GPC6: variants seen among roughly 807,000 people sequenced by gnomAD.
The protein encoded by GPC6 is glypican-6.
Under a neutral mutation model 55.2 loss-of-function variants are expected in GPC6, and 14 were observed. That is an observed-to-expected ratio of 0.25 (90% CI 0.17 to 0.40). The LOEUF (loss-of-function observed/expected upper bound fraction) is 0.40, where lower values mean the gene tolerates loss of function less well. GPC6 is among the 10% of genes least tolerant of loss of function. GPC6 has a pLI of 1.00. For missense variants in GPC6, 641 were observed against 708.5 expected, an observed-to-expected ratio of 0.90 and a Z score of 1.08; for synonymous variants, 278 against 259.6, an observed-to-expected ratio of 1.07 and a Z score of -0.68.
At chr13:93,286,646 A>T (rs1028992627) in intron 1 of GPC6, among the ~76,000 whole-genome samples, 2 of 152,220 alleles carry the variant, frequency 1.3e-5, no homozygotes, top group Non-Finnish European at 2.9e-5. Context: ...ATCTTATCAG[A>T]GTGGTCTGAC....
intron 1 of GPC6, among the ~76,000 whole-genome samples, chr13:93,460,510 C>T (rs7320356): frequency 0.22 from 32,842 of 152,004 alleles, 3,657 homozygotes; most frequent in Middle Eastern, 0.29. Flanking sequence ...ATGATGATGA[C>T]GATTATTTAA....
chr13:93,939,425 A>AATAATAATG (rs1555343163), intron 3 of GPC6, among the ~76,000 whole-genome samples: 2 of 149,680 alleles, frequency 1.3e-5, no homozygotes, highest in Non-Finnish European at 3.0e-5. Context: ...CTCAAATAAT[A>AATAATAATG]ATAATAATAA....
intron 4 of GPC6, among the ~76,000 whole-genome samples, chr13:94,126,849 GTGT>G (rs1886836589): frequency 6.6e-6 from 1 of 152,092 alleles, no homozygotes. Context: ...AAGGAAAGTT[GTGT>G]TGTTCTGAAA....
At chr13:93,941,583 A>G (rs1878740269) in intron 3 of GPC6, among the ~76,000 whole-genome samples, 1 of 152,226 alleles carries the variant, frequency 6.6e-6, no homozygotes, top group African/African-American at 2.4e-5. Flanking sequence ...CTTGTATAAA[A>G]CATGAAATAG....
At chr13:93,256,106 A>G (rs1224175677) in intron 1 of GPC6, among the ~76,000 whole-genome samples, 5 of 145,458 alleles carry the variant, frequency 3.4e-5, no homozygotes, top group African/African-American at 1.3e-4. Context: ...GGAGGCAGAG[A>G]GTGTAGTGAG....
At chr13:93,766,132 C>T (rs1885123994) in intron 2 of GPC6, among the ~76,000 whole-genome samples, 1 of 152,134 alleles carries the variant, frequency 6.6e-6, no homozygotes, top group African/African-American at 2.4e-5. Flanking sequence ...TTAATCAGTA[C>T]AGATTTCTGT....
intron 1 of GPC6, among the ~76,000 whole-genome samples, chr13:93,504,752 A>G (rs1342651397): frequency 2.0e-5 from 3 of 152,186 alleles, no homozygotes; most frequent in Non-Finnish European, 4.4e-5. Flanking sequence ...ATTATCTAAA[A>G]AAAACAACAA....
At chr13:94,056,030 C>T (rs1303436276) in intron 4 of GPC6, among the ~76,000 whole-genome samples, 1 of 152,162 alleles carries the variant, frequency 6.6e-6, no homozygotes, top group Admixed American at 6.5e-5. Context: ...TCTTAGCTTC[C>T]TCATCTGCTA....
At chr13:93,595,194 G>A (rs1877671191) in intron 2 of GPC6, among the ~76,000 whole-genome samples, 1 of 152,102 alleles carries the variant, frequency 6.6e-6, no homozygotes, top group South Asian at 2.1e-4. Flanking sequence ...ATTTTTACAT[G>A]TATATTAGGG....
At chr13:93,643,269 C>A (rs1167005083) in intron 2 of GPC6, among the ~76,000 whole-genome samples, 1 of 152,106 alleles carries the variant, frequency 6.6e-6, no homozygotes, top group Non-Finnish European at 1.5e-5. Flanking sequence ...TCAAACAAAT[C>A]TCTTCACAGC....
chr13:93,785,107 A>C (rs1160972634), intron 2 of GPC6, among the ~76,000 whole-genome samples: 1 of 152,148 alleles, frequency 6.6e-6, no homozygotes, highest in Non-Finnish European at 1.5e-5. Context: ...TTCAAGAAGA[A>C]AAAGGGCACA....
intron 4 of GPC6, among the ~76,000 whole-genome samples, chr13:94,246,298 T>C (rs1054951420): frequency 3.3e-5 from 5 of 152,138 alleles, no homozygotes; most frequent in Non-Finnish European, 1.5e-5. Flanking sequence ...ATATTTTTTC[T>C]CAACCTGTAG....
chr13:93,976,740 C>G (rs535278383), intron 3 of GPC6, among the ~76,000 whole-genome samples: 3 of 151,776 alleles, frequency 2.0e-5, no homozygotes, highest in African/African-American at 7.3e-5. Context: ...CTCATTGGCT[C>G]AAGTACTCTT....
At chr13:94,148,415 G>C (rs1887631865) in intron 4 of GPC6, among the ~76,000 whole-genome samples, 1 of 152,106 alleles carries the variant, frequency 6.6e-6, no homozygotes, top group African/African-American at 2.4e-5. Flanking sequence ...TTGTTTACAA[G>C]GGTGTCCTGA....
At chr13:93,340,026 CTTTT>C (rs10714044) in intron 1 of GPC6, among the ~76,000 whole-genome samples, 11 of 81,618 alleles carry the variant, frequency 1.3e-4, no homozygotes, top group East Asian at 3.6e-4. Flanking sequence ...AGTTTTCTTT[CTTTT>C]TTTTTTTTTT....
intron 4 of GPC6, among the ~76,000 whole-genome samples, chr13:94,057,367 A>G (rs532784751): frequency 6.6e-6 from 1 of 152,210 alleles, no homozygotes; most frequent in African/African-American, 2.4e-5. Flanking sequence ...CCTTAATTTT[A>G]TCTGAAGATA....
rs192862707 is a variant in GPC6, at chr13:93,859,406, C to A, written c.711+28861C>A. 1.1e-3 allele frequency among the ~76,000 whole-genome samples: 163 copies of A among 151,416 alleles called. 1 individual carries two copies. Among genetic ancestry groups the A allele is most frequent in the African/African-American group, 3.8e-3 (157 of 41,356 alleles). On this transcript the variant is annotated intron_variant, in intron 3 of 8. Coordinates refer to ENST00000377047, the MANE Select transcript of GPC6 (RefSeq NM_005708.5). ...GAAATGAATATAACTGCTTTATTAC[C>A]AAGAAATGATTTTATAATCTGTAAA...
chr13:94,008,620 C>T (rs1882116402), intron 3 of GPC6, among the ~76,000 whole-genome samples: 1 of 152,072 alleles, frequency 6.6e-6, no homozygotes, highest in South Asian at 2.1e-4. Context: ...CCACTGTACT[C>T]CAGCCTGGGT....
At chr13:93,427,262 T>C (rs1192752223) in intron 1 of GPC6, among the ~76,000 whole-genome samples, 2 of 151,890 alleles carry the variant, frequency 1.3e-5, no homozygotes, top group Non-Finnish European at 2.9e-5. Context: ...TTAAAGTTCA[T>C]ATGGAACCAA....
Sources: allele counts gnomAD v4.1 joint callset (sites outside exome capture counted in the v4.1 genomes callset), GRCh38; gene constraint gnomAD v4.1.1; transcripts MANE v1.5; gene names NCBI Gene and HGNC (gene_info 2026-07-23, HGNC 2026-07-21).